Variants in CLVS1 observed in about 807,000 individuals in gnomAD.
The protein encoded by CLVS1 is clavesin-1.
CLVS1 carries 10 observed loss-of-function variants against 33.1 expected under a neutral mutation model. That is an observed-to-expected ratio of 0.30 (90% CI 0.19 to 0.51). The LOEUF (loss-of-function observed/expected upper bound fraction) is 0.51, where lower values mean the gene tolerates loss of function less well. Ranked by LOEUF, CLVS1 falls within the 20% of genes least tolerant of loss-of-function variation. The probability of loss-of-function intolerance (pLI) is 0.97; values close to 1 mark genes in which losing one functional copy is unlikely to be tolerated. For synonymous variants in CLVS1, 163 were observed against 166.1 expected, an observed-to-expected ratio of 0.98 and a Z score of 0.14; for missense variants, 343 against 433.4, an observed-to-expected ratio of 0.79 and a Z score of 1.85.
At chr8:61,289,850 C>T (rs566854593) in intron 1 of CLVS1, among the ~76,000 whole-genome samples, 1 of 152,180 alleles carries the variant, frequency 6.6e-6, no homozygotes, top group South Asian at 2.1e-4. Context: ...AAGTTAATTA[C>T]TGCCACTAAT....
At chr8:61,287,321 A>C (rs1393634013), upstream of CLVS1, among the ~76,000 whole-genome samples, 2 of 152,134 alleles carry the variant, frequency 1.3e-5, no homozygotes, top group Non-Finnish European at 2.9e-5. Flanking sequence ...GTCATTTAAC[A>C]TTCCTCCTTT....
intron 5 of CLVS1, among the ~76,000 whole-genome samples, chr8:61,480,696 G>C (rs769503924): frequency 2.2e-4 from 33 of 152,102 alleles, no homozygotes; most frequent in Non-Finnish European, 1.3e-4. Flanking sequence ...CTGTAGACTG[G>C]AGCTGTTCCT....
intron 5 of CLVS1, among the ~76,000 whole-genome samples, chr8:61,490,695 A>C (rs1471981066): frequency 6.7e-6 from 1 of 148,278 alleles, no homozygotes; most frequent in African/African-American, 2.5e-5. Flanking sequence ...GCTTTGGCTC[A>C]TGTCTGTAAT....
intron 3 of CLVS1, among the ~76,000 whole-genome samples, chr8:61,446,554 A>G (rs981472663): frequency 1.3e-5 from 2 of 152,118 alleles, no homozygotes; most frequent in African/African-American, 4.8e-5. Flanking sequence ...TGGGCTGAGC[A>G]TGGTAGTTCA....
At chr8:61,206,460 T>A (rs756502314) in intron 2 of CLVS1, among the ~76,000 whole-genome samples, 42 of 152,240 alleles carry the variant, frequency 2.8e-4, no homozygotes, top group Non-Finnish European at 3.5e-4. Flanking sequence ...AATATTTTAT[T>A]CAGCATTGAG....
At chr8:61,166,536 G>A (rs116579117) in intron 2 of CLVS1, among the ~76,000 whole-genome samples, 1,668 of 75,964 alleles carry the variant, frequency 0.022, 31 homozygotes, top group African/African-American at 0.064. Flanking sequence ...TATTTGGAAC[G>A]TAATAAAAGC....
chr8:61,045,652 A>G, the CLVS1 span, among the ~76,000 whole-genome samples: 1 of 152,228 alleles, frequency 6.6e-6, no homozygotes. Context: ...ACATGGTTCC[A>G]GGAAGTAGAA....
chr8:61,145,705 C>T (rs1030846823), intron 2 of CLVS1, among the ~76,000 whole-genome samples: 1 of 152,154 alleles, frequency 6.6e-6, no homozygotes, highest in Non-Finnish European at 1.5e-5. Context: ...AGTTACCAAC[C>T]CCTCCCCTCG....
chr8:61,021,217 G>A, the CLVS1 span, among the ~76,000 whole-genome samples: 1 of 152,242 alleles, frequency 6.6e-6, no homozygotes, highest in South Asian at 2.1e-4. Flanking sequence ...AAGGGCCAAT[G>A]GAGGAGTCGG....
At chr8:61,436,388 C>A (rs987499039) in intron 3 of CLVS1, among the ~76,000 whole-genome samples, 1 of 152,160 alleles carries the variant, frequency 6.6e-6, no homozygotes, top group African/African-American at 2.4e-5. Flanking sequence ...CAGCACATTC[C>A]GGTCAGGCTT....
At chr8:61,398,610 G>A (rs1198409490) in intron 3 of CLVS1, among the ~76,000 whole-genome samples, 2 of 151,998 alleles carry the variant, frequency 1.3e-5, no homozygotes, top group Non-Finnish European at 1.5e-5. Flanking sequence ...ATAGATAAAC[G>A]TGTGCCATGG....
chr8:60,998,970 C>T, the CLVS1 span, among the ~76,000 whole-genome samples: 1 of 152,158 alleles, frequency 6.6e-6, no homozygotes, highest in East Asian at 1.9e-4. Context: ...ATGAGCCTCC[C>T]AGGTTTTACA....
chr8:61,311,673 T>G (rs1293299355), intron 2 of CLVS1, among the ~76,000 whole-genome samples: 27 of 152,226 alleles, frequency 1.8e-4, no homozygotes, highest in Admixed American at 1.8e-3. Flanking sequence ...AGCATATCTT[T>G]CCAGGCCAGC....
chr8:61,339,746 AGAAG>A (rs940046015), intron 2 of CLVS1, among the ~76,000 whole-genome samples: 1 of 149,536 alleles, frequency 6.7e-6, no homozygotes, highest in Non-Finnish European at 1.5e-5. Flanking sequence ...AGAGAAAGAG[AGAAG>A]GAGGGAGGGA....
intron 2 of CLVS1, among the ~76,000 whole-genome samples, chr8:61,155,553 AT>A (rs34967692): frequency 1.3e-4 from 19 of 151,024 alleles, no homozygotes; most frequent in Admixed American, 7.3e-4. Flanking sequence ...AGTAGGAACA[AT>A]TTTTTTTTTA....
chr8:61,100,381 T>C (rs558865871), intron 1 of CLVS1, among the ~76,000 whole-genome samples: 1 of 152,320 alleles, frequency 6.6e-6, no homozygotes, highest in Non-Finnish European at 1.5e-5. Context: ...GTCCCAGCAC[T>C]AGAAATTACA....
the CLVS1 span, among the ~76,000 whole-genome samples, chr8:60,993,373 G>A: frequency 6.6e-6 from 1 of 152,140 alleles, no homozygotes; most frequent in Non-Finnish European, 1.5e-5. Flanking sequence ...CTCTAGCACC[G>A]GGCACTCTAG....
At chr8:61,381,792 A>G (rs972340895) in intron 3 of CLVS1, among the ~76,000 whole-genome samples, 3 of 152,180 alleles carry the variant, frequency 2.0e-5, no homozygotes, top group African/African-American at 7.2e-5. Context: ...ACAGCTGCAT[A>G]CTATTCCATA....
chr8:61,197,695 T>G (rs1381394259), intron 2 of CLVS1, among the ~76,000 whole-genome samples: 7 of 152,204 alleles, frequency 4.6e-5, no homozygotes, highest in Non-Finnish European at 8.8e-5. Flanking sequence ...AATTTTTGTA[T>G]TTTTAGCAGA....
Sources: gnomAD v4.1 joint callset for allele counts (sites outside exome capture counted in the v4.1 genomes callset) on GRCh38, gnomAD v4.1.1 for gene constraint, MANE v1.5 for transcripts, NCBI Gene and HGNC (gene_info 2026-07-23, HGNC 2026-07-21) for gene names.